The following TSNARE1 variants were observed in gnomAD, a reference collection of about 807,000 sequenced individuals.
TSNARE1 encodes t-SNARE domain-containing protein 1.
In TSNARE1, 49 loss-of-function variants were observed where a neutral mutation model predicts 62.0. The observed-to-expected ratio is 0.79, with a 90% CI of 0.63 to 1.00. The LOEUF is 1.00. Ranked by LOEUF, TSNARE1 falls within the 50% of genes least tolerant of loss-of-function variation. The pLI, the probability that TSNARE1 is intolerant of heterozygous loss-of-function variation, is 0.00. For missense variants in TSNARE1, 755 were observed against 700.1 expected (o/e 1.08, Z -0.88); for synonymous variants, 328 against 294.4 (o/e 1.11, Z -1.17).
At chr8:142,274,700 TCC>T (rs1820148653) in intron 12 of TSNARE1, 79 bp downstream of exon 12, 2 of 1,407,504 alleles carry the variant, frequency 1.4e-6, no homozygotes, top group African/African-American at 3.0e-5. Flanking sequence ...CCTGGGCCCC[TCC>T]AGACAGACGG....
At chr8:142,265,798 A>AT (rs768237611) in intron 12 of TSNARE1, among the ~76,000 whole-genome samples, 6 of 152,170 alleles carry the variant, frequency 3.9e-5, no homozygotes, top group Non-Finnish European at 5.9e-5. Flanking sequence ...TGTGGGCTTA[A>AT]TGTGTATTTC....
At chr8:142,326,961 T>C (rs924229644) in intron 6 of TSNARE1, among the ~76,000 whole-genome samples, 13 of 152,222 alleles carry the variant, frequency 8.5e-5, no homozygotes, top group Admixed American at 7.8e-4. Context: ...AAAAGACATA[T>C]AACAACAAGT....
chr8:142,223,727 C>T (rs1458808122), intron 13 of TSNARE1, among the ~76,000 whole-genome samples: 1 of 152,252 alleles, frequency 6.6e-6, no homozygotes, highest in East Asian at 1.9e-4. Context: ...AGTTCACAGA[C>T]AAGTCAACAG....
At chr8:142,254,744 C>T (rs1043448158) in intron 12 of TSNARE1, among the ~76,000 whole-genome samples, 2 of 152,356 alleles carry the variant, frequency 1.3e-5, no homozygotes, top group East Asian at 3.9e-4. Flanking sequence ...GTCCCAGCCC[C>T]ACCCCAGTTT....
chr8:142,331,562 C>T (rs1831038024), intron 5 of TSNARE1, among the ~76,000 whole-genome samples, 192 bp downstream of exon 5: 1 of 152,238 alleles, frequency 6.6e-6, no homozygotes, highest in Non-Finnish European at 1.5e-5. Context: ...GACTGCACTG[C>T]AGGACGGCCT....
At chr8:142,358,183 G>A (rs1007258595) in intron 1 of TSNARE1, among the ~76,000 whole-genome samples, 2 of 82,916 alleles carry the variant, frequency 2.4e-5, no homozygotes, top group African/African-American at 1.8e-4. Flanking sequence ...GGCCATCACT[G>A]CAAAGGGCGG....
At chr8:142,365,899 G>A (rs1246585697) in intron 1 of TSNARE1, 7 of 452,446 alleles carry the variant, frequency 1.5e-5, no homozygotes, top group Non-Finnish European at 2.7e-5. Context: ...GTAAATGAGT[G>A]AAGAGACCTA....
chr8:142,276,877 C>T (rs1314775227), intron 11 of TSNARE1: 4 of 985,334 alleles, frequency 4.1e-6, no homozygotes, highest in Non-Finnish European at 4.8e-6. Context: ...CCTCACACAA[C>T]CACTGCCCAG....
rs138142985 is a variant in TSNARE1 at position 142,318,568 on chromosome 8, G to A, written c.960C>T (p.Ala320=). ...AASASSVKQM[A]ELLRSSCPQE... is the part of the protein sequence containing the mutation. ...CCGGGCAGGAGCTGCGCAGCAGCTCGGCCATCTGCTTCACGGAGCTGGCGC... is the reference window on the plus strand; with the variant it reads ...CCGGGCAGGAGCTGCGCAGCAGCTCAGCCATCTGCTTCACGGAGCTGGCGC... Residue 320 remains alanine, a synonymous_variant, in exon 7 of 14, where the codon GCC becomes GCT. Coordinates refer to ENST00000524325, the MANE Select transcript of TSNARE1 (RefSeq NM_145003.5). The A allele has an allele frequency of 1.9e-5, 30 of 1,613,326 alleles. No individual in the cohort carries two copies. In the East Asian group the frequency reaches 2.2e-4, roughly 12 times the overall value.
At chr8:142,354,017 C>T (rs1834468401) in intron 2 of TSNARE1, among the ~76,000 whole-genome samples, 1 of 152,136 alleles carries the variant, frequency 6.6e-6, no homozygotes, top group Non-Finnish European at 1.5e-5. Flanking sequence ...CCCAGGCCTG[C>T]CCACGTGAAG....
intron 12 of TSNARE1, among the ~76,000 whole-genome samples, chr8:142,236,961 A>T (rs1817459005): frequency 1.3e-5 from 2 of 152,200 alleles, no homozygotes; most frequent in South Asian, 4.1e-4. Flanking sequence ...GTCACTGCCA[A>T]GGTGACTTCT....
intron 1 of TSNARE1, among the ~76,000 whole-genome samples, chr8:142,397,269 G>A (rs1400076162): frequency 1.3e-5 from 2 of 150,502 alleles, no homozygotes; most frequent in African/African-American, 4.9e-5. Flanking sequence ...CAGGAGAGAG[G>A]CAGCTCCGCC....
chr8:142,296,868 G>A (rs930314207), intron 10 of TSNARE1, among the ~76,000 whole-genome samples: 7 of 152,118 alleles, frequency 4.6e-5, no homozygotes, highest in Non-Finnish European at 1.5e-5. Flanking sequence ...CCTGGGCGGG[G>A]GCAAGGTCAC....
intron 1 of TSNARE1, among the ~76,000 whole-genome samples, chr8:142,359,736 A>G (rs969505702): frequency 6.6e-6 from 1 of 152,098 alleles, no homozygotes; most frequent in Non-Finnish European, 1.5e-5. Context: ...TCCTCACGAC[A>G]CTTGTGAGGC....
chr8:142,385,881 T>C (rs1037310604), intron 1 of TSNARE1, among the ~76,000 whole-genome samples: 2 of 152,234 alleles, frequency 1.3e-5, no homozygotes, highest in Non-Finnish European at 2.9e-5. Context: ...AGCTGGGCCA[T>C]GTTCCTACTT....
Position 142,389,646 on chromosome 8 carries a change from A to T in TSNARE1, c.-40+13458T>A, listed in dbSNP as rs533270616. Among the ~76,000 whole-genome samples the T allele has an allele frequency of 1.2e-3, 186 of 152,270 alleles. 2 individuals carry two copies. The highest frequency in any genetic ancestry group is 4.3e-3 in the African/African-American group (179 of 41,532). ...TCCTCTGTGACTGTCAGAGACAAGA[A>T]AGGAACCCTGGACTGATTCCAAAAG... On this transcript the variant is annotated intron_variant, in intron 1 of 13. Coordinates refer to ENST00000524325, the MANE Select transcript of TSNARE1 (RefSeq NM_145003.5).
chr8:142,271,884 A>G (rs942004360), intron 12 of TSNARE1, among the ~76,000 whole-genome samples: 1 of 151,960 alleles, frequency 6.6e-6, no homozygotes, highest in Non-Finnish European at 1.5e-5. Context: ...AGGTGGGCAC[A>G]TTTACTCTAG....
At chr8:142,371,364 C>G (rs758246573) in intron 1 of TSNARE1, among the ~76,000 whole-genome samples, 2 of 152,132 alleles carry the variant, frequency 1.3e-5, no homozygotes, top group Non-Finnish European at 2.9e-5. Context: ...GGCTAGGGGT[C>G]GGCCATAGGG....
intron 1 of TSNARE1, among the ~76,000 whole-genome samples, chr8:142,388,174 T>C (rs1837233650): frequency 6.6e-6 from 1 of 152,152 alleles, no homozygotes. Flanking sequence ...ACCCCATAGA[T>C]GATTTTTTAA....
Sources: gnomAD v4.1 joint callset for allele counts (sites outside exome capture counted in the v4.1 genomes callset) on GRCh38, gnomAD v4.1.1 for gene constraint, MANE v1.5 for transcripts, NCBI Gene and HGNC (gene_info 2026-07-23, HGNC 2026-07-21) for gene names.